The following LAMP2 variants were observed in gnomAD, a reference collection of about 807,000 sequenced individuals.
LAMP2 encodes lysosome-associated membrane glycoprotein 2.
Under a neutral mutation model 25.6 loss-of-function variants are expected in LAMP2, and 4 were observed. The observed-to-expected ratio is 0.16, with a 90% CI of 0.08 to 0.36. The LOEUF (loss-of-function observed/expected upper bound fraction) is 0.36. LAMP2 is among the 10% of genes least tolerant of loss of function. The probability of loss-of-function intolerance (pLI) is 1.00; values close to 1 mark genes in which losing one functional copy is unlikely to be tolerated. For missense variants in LAMP2, 272 were observed against 301.4 expected (o/e 0.90, Z 0.72); for synonymous variants, 108 against 112.7 (o/e 0.96, Z 0.27).
chrX:120,430,414 T>C lies in LAMP2; in HGVS notation c.*909A>G, dbSNP rs1222984901. 1 of 751,513 alleles carries C rather than the reference T, an allele frequency of 1.3e-6. No homozygotes were observed. Among genetic ancestry groups the C allele is most frequent in the African/African-American group, 2.3e-5 (1 of 43,371 alleles). 61.9% of individuals were successfully genotyped at this position (751,513 alleles called of 1,213,427 possible). On this transcript the variant is annotated 3_prime_UTR_variant, in exon 9 of 9. Coordinates refer to ENST00000200639, the MANE Select transcript of LAMP2 (RefSeq NM_002294.3). ...TTACATTTCATAAGTACCACACTGA[T>C]GACAACACTAAATAGATTTTAATGC...
At chrX:120,435,046 C>T (rs1202517450) in intron 8 of LAMP2, among the ~76,000 whole-genome samples, 1 of 111,321 alleles carries the variant, frequency 9.0e-6, no homozygotes, top group Non-Finnish European at 1.9e-5. Flanking sequence ...ATAAGAATTG[C>T]TTGAACCTGG....
chrX:120,436,533 C>A, intron 8 of LAMP2: 1 of 723,631 alleles, frequency 1.4e-6, no homozygotes, highest in Non-Finnish European at 1.6e-6. Context: ...GTTTTAGAAG[C>A]AATTTTGAGC....
chrX:120,436,170 A>ACACTCTCTCTCTCTCTCTCTCTCTCTGT (rs1251901451), intron 8 of LAMP2, among the ~76,000 whole-genome samples: 9 of 57,305 alleles, frequency 1.6e-4, no homozygotes, highest in African/African-American at 4.0e-4. Context: ...ACACACACAC[A>ACACTCTCTCTCTCTCTCTCTCTCTCTGT]CTCTCTCTCT....
rs982593577 is a variant in LAMP2, at chrX:120,446,191, G to C, written c.864+114C>G. ...TGAATGGACTACACTTTATAATTGA[G>C]TACTGTAGAACTGGAAAATAAAGCT... On this transcript the variant is annotated intron_variant, in intron 6 of 8. Transcript: ENST00000200639. 6.1e-6 allele frequency: 4 copies of C among 658,295 alleles called. No individual in the cohort carries two copies. In the African/African-American group the frequency reaches 8.7e-5, roughly 14 times the overall value. 54.3% of individuals were successfully genotyped at this position (658,295 alleles called of 1,213,427 possible).
intron 6 of LAMP2, among the ~76,000 whole-genome samples, chrX:120,445,109 G>A (rs2058590420): frequency 8.9e-6 from 1 of 112,066 alleles, no homozygotes; most frequent in Non-Finnish European, 1.9e-5. Flanking sequence ...ACTTGAAAGG[G>A]AATAAACCCA....
chrX:120,436,170 A>ACACACACACACACACTCT (rs1251901451), intron 8 of LAMP2, among the ~76,000 whole-genome samples: 49 of 57,296 alleles, frequency 8.6e-4, no homozygotes, highest in African/African-American at 2.3e-3. Flanking sequence ...ACACACACAC[A>ACACACACACACACACTCT]CTCTCTCTCT....
In LAMP2 at chrX:120,442,570, C is replaced by A. The variant is rs372141104; in HGVS notation, c.928+29G>T. ...CTAATCCTTCAGGGTAATCCACAGT[C>A]TTTTTCCCCAGGCCAGTGCTTTGCT... On this transcript the variant is annotated intron_variant, in intron 7 of 8. Coordinates refer to ENST00000200639, the MANE Select transcript of LAMP2 (RefSeq NM_002294.3). 11 of 1,143,406 alleles carry A rather than the reference C, an allele frequency of 9.6e-6. No individual in the cohort carries two copies. In the African/African-American group the frequency reaches 2.0e-4, roughly 20 times the overall value. 94.2% of individuals were successfully genotyped at this position (1,143,406 alleles called of 1,213,427 possible).
intron 8 of LAMP2, among the ~76,000 whole-genome samples, chrX:120,434,203 C>A (rs780697918): frequency 8.9e-6 from 1 of 112,004 alleles, no homozygotes; most frequent in African/African-American, 3.2e-5. Context: ...AGATTAATTT[C>A]TTATTCTGGC....
chrX:120,440,088 C>T (rs1249046055), intron 8 of LAMP2, among the ~76,000 whole-genome samples: 1 of 112,164 alleles, frequency 8.9e-6, no homozygotes, highest in East Asian at 2.8e-4. Context: ...CAGCCACAGT[C>T]ATCTGTTTAT....
Position 120,430,991 on chromosome X carries a change from C to A in LAMP2, c.*332G>T. 1.2e-6 allele frequency: 1 copy of A among 849,655 alleles called. No individual in the cohort carries two copies. The highest frequency in any genetic ancestry group is 1.4e-6 in the Non-Finnish European group (1 of 696,834). 70.0% of individuals were successfully genotyped at this position (849,655 alleles called of 1,213,427 possible). ...TTAAGACACAACTACATATTTTATTCTTATAATGGCCATGTTAATAAGTTC... is the reference window on the plus strand; with the variant it reads ...TTAAGACACAACTACATATTTTATTATTATAATGGCCATGTTAATAAGTTC... On this transcript the variant is annotated 3_prime_UTR_variant, in exon 9 of 9. Coordinates refer to ENST00000200639, the MANE Select transcript of LAMP2 (RefSeq NM_002294.3).
intron 5 of LAMP2, 98 bp from the exon 6 acceptor site, chrX:120,446,525 C>A: frequency 1.1e-6 from 1 of 926,535 alleles, no homozygotes; most frequent in African/African-American, 1.9e-5. Context: ...CAGCGTAGAA[C>A]AAAAAATCTT....
chrX:120,428,287 G>A lies in LAMP2; in HGVS notation c.*3036C>T, dbSNP rs747372256. On this transcript the variant is annotated 3_prime_UTR_variant, in exon 9 of 9. Transcript: ENST00000200639. ...TTTCTTTTAATTATACTTTAACAAA[G>A]GAAGAAAAAAAACAGAAAAAAATTG... 5.3e-5 allele frequency: 21 copies of A among 395,061 alleles called. No individual in the cohort carries two copies. Among genetic ancestry groups the A allele is most frequent in the African/African-American group, 5.2e-4 (17 of 32,855 alleles). The allele number at this position is 395,061 out of a possible 1,213,427, so 32.6% of individuals were successfully genotyped here.
chrX:120,461,004 T>C (rs1921294110), intron 1 of LAMP2, among the ~76,000 whole-genome samples: 1 of 112,368 alleles, frequency 8.9e-6, no homozygotes, highest in Non-Finnish European at 1.9e-5. Flanking sequence ...CTATGCTACC[T>C]TTAATGGGCA....
rs777005288 is a variant in LAMP2 at position 120,460,920 on chromosome X, C to T, written c.65-4151G>A. Among the ~76,000 whole-genome samples, 111 of 111,877 alleles carry T rather than the reference C, an allele frequency of 9.9e-4. 1 individual carries two copies. Among genetic ancestry groups the T allele is most frequent in the African/African-American group, 3.4e-3 (104 of 30,818 alleles). ...GAGCCAAGATCATGCCAATGCACTC[C>T]ACCAGCCTGGGCAACAAGAATGAAA... On this transcript the variant is annotated intron_variant, in intron 1 of 8. Transcript: ENST00000200639.
chrX:120,431,785 G>A (rs2058524246), intron 8 of LAMP2, among the ~76,000 whole-genome samples: 1 of 112,233 alleles, frequency 8.9e-6, no homozygotes, highest in Non-Finnish European at 1.9e-5. Context: ...TGATCAGGCC[G>A]TGAGCTTTCA....
At chrX:120,439,297 T>C in intron 8 of LAMP2, 1 of 1,199,576 alleles carries the variant, frequency 8.3e-7, no homozygotes, top group African/African-American at 1.7e-5. Flanking sequence ...TCTTGGGCTG[T>C]AGGTGAGAAA....
In LAMP2 at chrX:120,457,127, T is replaced by G. The variant is rs772934334; in HGVS notation, c.65-358A>C. On this transcript the variant is annotated intron_variant, in intron 1 of 8. Coordinates refer to ENST00000200639, the MANE Select transcript of LAMP2 (RefSeq NM_002294.3). ...TTCAAATAATCATTTCCACATGCATTTATACCTTACTAGTTTTGTTTTAGG... is the reference window on the plus strand; with the variant it reads ...TTCAAATAATCATTTCCACATGCATGTATACCTTACTAGTTTTGTTTTAGG... Among the ~76,000 whole-genome samples the G allele has an allele frequency of 6.3e-5, 7 of 111,561 alleles. No individual in the cohort carries two copies. In the Admixed American group the frequency reaches 6.7e-4, roughly 11 times the overall value.
chrX:120,457,189 C>T (rs942345814), intron 1 of LAMP2, among the ~76,000 whole-genome samples: 4 of 111,162 alleles, frequency 3.6e-5, no homozygotes, highest in African/African-American at 1.3e-4. Flanking sequence ...GTGGTTTTTG[C>T]GGTAAATGAG....
intron 1 of LAMP2, among the ~76,000 whole-genome samples, chrX:120,458,390 A>G (rs898141676): frequency 2.7e-5 from 3 of 112,150 alleles, no homozygotes; most frequent in Non-Finnish European, 5.6e-5. Context: ...GCTTGCATCA[A>G]TGTGTCTTAG....
Sources: allele counts gnomAD v4.1 joint callset (sites outside exome capture counted in the v4.1 genomes callset), GRCh38; gene constraint gnomAD v4.1.1; transcripts MANE v1.5; gene names NCBI Gene and HGNC (gene_info 2026-07-23, HGNC 2026-07-21).